The following RAD21 variants were observed in gnomAD, a reference collection of about 807,000 sequenced individuals.
RAD21 encodes RAD21 cohesin complex component.
In RAD21, 18 loss-of-function variants were observed where a neutral mutation model predicts 71.5. The ratio of observed to expected loss-of-function variants is 0.25; its 90% CI spans 0.17 to 0.37. The LOEUF is 0.37. RAD21 is among the 10% of genes least tolerant of loss of function. The pLI, the probability that RAD21 is intolerant of heterozygous loss-of-function variation, is 1.00. For synonymous variants in RAD21, 248 were observed against 254.0 expected (o/e 0.98, Z 0.22); for missense variants, 493 against 769.1 (o/e 0.64, Z 4.25).
intron 1 of RAD21, among the ~76,000 whole-genome samples, chr8:116,869,222 C>A (rs2130489816): frequency 6.6e-6 from 1 of 152,082 alleles, no homozygotes; most frequent in Middle Eastern, 3.4e-3. Flanking sequence ...GACTAGAACT[C>A]AGATATAGAA....
intron 1 of RAD21, among the ~76,000 whole-genome samples, chr8:116,867,651 GATTT>G (rs1043565588): frequency 3.9e-5 from 6 of 152,068 alleles, no homozygotes; most frequent in African/African-American, 1.4e-4. Flanking sequence ...CTATTGTTCT[GATTT>G]TTTTCTAAAA....
intron 4 of RAD21, 21 bp from the exon 5 acceptor site, chr8:116,858,479 C>T (rs367808263): frequency 1.3e-6 from 2 of 1,583,578 alleles, no homozygotes; most frequent in Non-Finnish European, 1.7e-6. Context: ...AGGTCAAATA[C>T]ATTTTAGTTT....
chr8:116,856,029 G>C, intron 8 of RAD21, 137 bp downstream of exon 8: 1 of 970,620 alleles, frequency 1.0e-6, no homozygotes, highest in South Asian at 1.9e-5. Flanking sequence ...TAGCAGATCA[G>C]TAGACAGGCC....
At chr8:116,857,562 G>T in intron 5 of RAD21, 89 bp from the exon 6 acceptor site, 1 of 1,077,554 alleles carries the variant, frequency 9.3e-7, no homozygotes, top group South Asian at 1.5e-5. Flanking sequence ...TTCTAATTAT[G>T]TCACATTTGC....
In RAD21 at chr8:116,856,693, G is replaced by A; in HGVS notation, c.767C>T (p.Pro256Leu). 7 of 1,594,640 alleles carry A rather than the reference G, an allele frequency of 4.4e-6. No homozygotes were observed. The highest frequency in any genetic ancestry group is 6.0e-6 in the Non-Finnish European group (7 of 1,170,102). ...CATATCGTCATGTGCAGGCTGCTCT[G>A]GCAACATCACCCCTGCCTCAGAGAG... Reference protein sequence around the residue: ...PALSEAGVMLPEQPAHDDMDE... With the variant: ...PALSEAGVMLLEQPAHDDMDE... Residue 256 changes from proline to leucine, a missense_variant, in exon 7 of 14, where the codon CCA (proline) becomes CTA (leucine). Transcript: ENST00000297338.
Position 116,850,659 on chromosome 8 carries a change from T to C in RAD21, c.1579A>G (p.Lys527Glu), listed in dbSNP as rs201422711. The change falls in exon 12 of 14, where the codon AAG becomes GAG. Residue 527 changes from lysine (K) to glutamate (E), a missense_variant. Lys to Glu is a moderately conservative substitution (Grantham distance 56). This residue lies in a region of RAD21 where 225 missense variants were observed against 218.3 expected (regional missense o/e 1.03). Transcript: ENST00000297338. Reference protein sequence around the residue: ...PELELLPEKEKEKEKEKEDDE... With the variant: ...PELELLPEKEEEKEKEKEDDE... Reference sequence around the variant, plus strand: ...TCTTCTTTTTCCTTCTCTTTCTCCTTCTCTTTTTCTGGCAGAAGTTCTAAC... The same window carrying C: ...TCTTCTTTTTCCTTCTCTTTCTCCTCCTCTTTTTCTGGCAGAAGTTCTAAC... The C allele has an allele frequency of 7.0e-5, 112 of 1,611,094 alleles. No homozygotes were observed. Among genetic ancestry groups the C allele is most frequent in the Admixed American group, 1.7e-5 (1 of 59,954 alleles).
intron 1 of RAD21, among the ~76,000 whole-genome samples, chr8:116,871,900 T>C (rs1812828861): frequency 6.6e-6 from 1 of 152,212 alleles, no homozygotes; most frequent in Non-Finnish European, 1.5e-5. Context: ...ACTACAACAC[T>C]ATGCTGCCTT....
intron 7 of RAD21, 48 bp downstream of exon 7, chr8:116,856,598 T>A (rs547278018): frequency 1.3e-6 from 2 of 1,520,138 alleles, no homozygotes; most frequent in Non-Finnish European, 1.8e-6. Flanking sequence ...AGTATCTTTC[T>A]GGATGCCATA....
At position 116,847,114 on chromosome 8, in the gene RAD21, T is replaced by C. The variant is rs1812265936; in HGVS notation, c.*386A>G. 4.2e-6 allele frequency: 1 copy of C among 238,178 alleles called. No individual in the cohort carries two copies. The highest frequency in any genetic ancestry group is 2.2e-5 in the African/African-American group (1 of 45,500). 14.8% of individuals were successfully genotyped at this position (238,178 alleles called of 1,614,324 possible). A position where few individuals can be genotyped will look rare whatever the true frequency, so the allele number is the denominator to read the frequency against. ...CAAAGACTTACACCATAGTTTTAAATTAAACTGTCAGGCATTTTCTCAGAC... is the reference window on the plus strand; with the variant it reads ...CAAAGACTTACACCATAGTTTTAAACTAAACTGTCAGGCATTTTCTCAGAC... On this transcript the variant is annotated 3_prime_UTR_variant, in exon 14 of 14. Transcript: ENST00000297338.
intron 11 of RAD21, 124 bp from the exon 12 acceptor site, chr8:116,850,891 A>G: frequency 3.5e-6 from 2 of 576,992 alleles, no homozygotes; most frequent in South Asian, 6.9e-5. Context: ...ATATCTCTAT[A>G]CTTCCCCACA....
intron 4 of RAD21, among the ~76,000 whole-genome samples, chr8:116,859,949 A>C (rs1812554697): frequency 6.6e-6 from 1 of 152,200 alleles, no homozygotes; most frequent in African/African-American, 2.4e-5. Flanking sequence ...AGTGAACATG[A>C]ATAAGAAAAC....
chr8:116,856,335 T>A (rs775895600), intron 7 of RAD21, 47 bp from the exon 8 acceptor site: 1 of 1,419,534 alleles, frequency 7.0e-7, no homozygotes, highest in Non-Finnish European at 9.2e-7. Flanking sequence ...AGCTTTGGTA[T>A]ATAACATATA....
At position 116,874,740 on chromosome 8, in the gene RAD21, C is replaced by G. The variant is rs943600679; in HGVS notation, c.-162G>C. The G allele has an allele frequency of 2.2e-6, 1 of 454,456 alleles. No homozygotes were observed. The highest frequency in any genetic ancestry group is 1.6e-5 in the South Asian group (1 of 64,414). The allele number at this position is 454,456 out of a possible 1,614,324, so 28.2% of individuals were successfully genotyped here. A position where few individuals can be genotyped will look rare whatever the true frequency, so the allele number is the denominator to read the frequency against. ...GAGCAGCTCCCGCCGCCGCCACAGC[C>G]GGCGCCTCCTTTCCGATTCACTCAA... On this transcript the variant is annotated 5_prime_UTR_variant, in exon 1 of 14. Coordinates refer to ENST00000297338, the MANE Select transcript of RAD21 (RefSeq NM_006265.3).
intron 1 of RAD21, among the ~76,000 whole-genome samples, chr8:116,867,343 T>C (rs1189990186): frequency 1.3e-5 from 2 of 152,196 alleles, no homozygotes; most frequent in African/African-American, 4.8e-5. Flanking sequence ...GAATTATATA[T>C]ATAGTTTTCT....
intron 12 of RAD21, 92 bp downstream of exon 12, chr8:116,850,526 G>A (rs1170820969): frequency 6.5e-7 from 1 of 1,529,022 alleles, no homozygotes; most frequent in Admixed American, 2.0e-5. Flanking sequence ...TAACTCTGAT[G>A]CTCAGCATCA....
At chr8:116,866,946 A>T (rs886177841) in intron 1 of RAD21, 185 bp from the exon 2 acceptor site, 4 of 396,938 alleles carry the variant, frequency 1.0e-5, no homozygotes, top group African/African-American at 8.3e-5. Flanking sequence ...ATTTTGAGAG[A>T]GGAAAAAAAA....
rs767342502 is a variant in RAD21, at chr8:116,857,315, G to C, written c.640C>G (p.Gln214Glu). 16 of 1,610,894 alleles carry C rather than the reference G, an allele frequency of 9.9e-6. No homozygotes were observed. The highest frequency in any genetic ancestry group is 1.1e-5 in the Non-Finnish European group (13 of 1,179,054). ...TCTCCAAAATTATCATCCTTATATT[G>C]ATCTTCATATTCTAAATGGTTAATT... ...EKINHLEYED[Q>E]YKDDNFGEGN... The change falls in exon 6 of 14, where the codon CAA becomes GAA. Residue 214 changes from glutamine (Q) to glutamate (E), a missense_variant. This residue lies in a region of RAD21 where 165 missense variants were observed against 229.6 expected (regional missense o/e 0.72). Transcript: ENST00000297338.
chr8:116,855,136 A>T (rs886715140), intron 8 of RAD21, among the ~76,000 whole-genome samples: 1 of 148,100 alleles, frequency 6.8e-6, no homozygotes, highest in Non-Finnish European at 1.5e-5. Context: ...TTCAACACTT[A>T]AAAAAAAAAT....
intron 2 of RAD21, among the ~76,000 whole-genome samples, chr8:116,864,729 C>T (rs1812657874): frequency 6.6e-6 from 1 of 152,056 alleles, no homozygotes; most frequent in Admixed American, 6.6e-5. Context: ...TAGCAACTTT[C>T]AAAAAGTGGT....
Sources: gnomAD v4.1 joint callset for allele counts (sites outside exome capture counted in the v4.1 genomes callset) on GRCh38, gnomAD v4.1.1 for gene constraint, gnomAD v4.1.1 regional missense constraint, MANE v1.5 for transcripts, NCBI Gene and HGNC (gene_info 2026-07-23, HGNC 2026-07-21) for gene names.